The following JMJD1C variants were observed in gnomAD, a reference collection of about 807,000 sequenced individuals.
JMJD1C encodes jumonji domain containing 1C, also known as jumonji domain-containing protein 1C.
Under a neutral mutation model 245.3 loss-of-function variants are expected in JMJD1C, and 31 were observed. The ratio of observed to expected loss-of-function variants is 0.13; its 90% CI spans 0.09 to 0.17. JMJD1C has a LOEUF of 0.17. Ranked by LOEUF, JMJD1C falls within the 10% of genes least tolerant of loss-of-function variation. JMJD1C has a pLI of 1.00. For synonymous variants in JMJD1C, 1,057 were observed against 1,017.4 expected, an observed-to-expected ratio of 1.04 and a Z score of -0.74; for missense variants, 2,691 against 3,000.2, an observed-to-expected ratio of 0.90 and a Z score of 2.41.
Position 63,208,281 on chromosome 10 carries a change from C to A in JMJD1C, c.3388G>T (p.Ala1130Ser), listed in dbSNP as rs1351474184. 6.2e-7 allele frequency: 1 copy of A among 1,614,044 alleles called. No individual in the cohort carries two copies. Among genetic ancestry groups the A allele is most frequent in the South Asian group, 1.1e-5 (1 of 91,066 alleles). Residue 1130 changes from alanine (A) to serine (S), a missense_variant, in exon 10 of 26, where the codon GCA becomes TCA. By Grantham distance (99) the Ala-to-Ser change is moderately conservative (BLOSUM62 1). Transcript: ENST00000399262. ...GAAGTCAGAGTTTGAGGATTAGCTG[C>A]TGCCGCTGCAAGGGCATTACTCTGT... ...DKQSNALAAA[A>S]ANPQTLTSFI...
At chr10:63,303,926 G>A (rs1339060631) in intron 2 of JMJD1C, among the ~76,000 whole-genome samples, 1 of 151,924 alleles carries the variant, frequency 6.6e-6, no homozygotes, top group Non-Finnish European at 1.5e-5. Context: ...GAGTTTTTCT[G>A]ATAACAATAT....
At chr10:63,394,257 G>C (rs950097668) in intron 1 of JMJD1C, among the ~76,000 whole-genome samples, 2 of 149,018 alleles carry the variant, frequency 1.3e-5, no homozygotes, top group Non-Finnish European at 3.0e-5. Flanking sequence ...AGATGAATAA[G>C]AGAATAAAGT....
chr10:63,177,883 T>C (rs746346223), intron 22 of JMJD1C, 27 bp from the exon 23 acceptor site: 2 of 1,608,250 alleles, frequency 1.2e-6, no homozygotes, highest in South Asian at 2.2e-5. Context: ...TAATTTCAAA[T>C]TGTCGGCAAA....
chr10:63,408,435 C>G (rs954042426), intron 1 of JMJD1C, among the ~76,000 whole-genome samples: 2 of 151,402 alleles, frequency 1.3e-5, no homozygotes, highest in African/African-American at 2.4e-5. Context: ...CAATGTACAT[C>G]TAGGAAAGTT....
At chr10:63,477,892 A>C (rs981177346) in intron 1 of JMJD1C, among the ~76,000 whole-genome samples, 3 of 152,216 alleles carry the variant, frequency 2.0e-5, no homozygotes, top group Admixed American at 6.5e-5. Context: ...AATAAAAAAA[A>C]CAAATTTTTA....
At chr10:63,519,612 G>T (rs1266645561) in intron 1 of JMJD1C, among the ~76,000 whole-genome samples, 1 of 152,212 alleles carries the variant, frequency 6.6e-6, no homozygotes, top group East Asian at 1.9e-4. Context: ...TAAATTATGA[G>T]AGCACAGACA....
chr10:63,168,144 A>ATGTT lies in JMJD1C; in HGVS notation c.7534-14_7534-11dup. On this transcript the variant is annotated splice_polypyrimidine_tract_variant and intron_variant, in intron 25 of 25. Coordinates refer to ENST00000399262, the MANE Select transcript of JMJD1C (RefSeq NM_032776.3). ...ACAAAATATTTTTAACCTGAAAGAG[A>ATGTT]TGTTGATATTTCTAATCACTTCAGT... 6.4e-7 allele frequency: 1 copy of ATGTT among 1,552,548 alleles called. No homozygotes were observed. Among genetic ancestry groups the ATGTT allele is most frequent in the Non-Finnish European group, 8.9e-7 (1 of 1,125,920 alleles).
chr10:63,321,651 G>A (rs950964617), intron 2 of JMJD1C, among the ~76,000 whole-genome samples: 13 of 152,182 alleles, frequency 8.5e-5, no homozygotes, highest in African/African-American at 3.1e-4. Context: ...AAGAGGTAGG[G>A]AAGCAAAAGT....
intron 1 of JMJD1C, among the ~76,000 whole-genome samples, chr10:63,503,272 T>TG (rs927878677): frequency 2.6e-5 from 4 of 152,112 alleles, no homozygotes; most frequent in Non-Finnish European, 4.4e-5. Flanking sequence ...TAGGGGTTTT[T>TG]GGGGGGGCTT....
chr10:63,446,680 A>C (rs1245100589), intron 1 of JMJD1C, among the ~76,000 whole-genome samples: 2 of 152,222 alleles, frequency 1.3e-5, no homozygotes, highest in Non-Finnish European at 1.5e-5. Flanking sequence ...CTTGAAGGAA[A>C]AGAAGGTGAT....
chr10:63,314,694 C>T (rs1005067583), intron 2 of JMJD1C, among the ~76,000 whole-genome samples: 1 of 151,600 alleles, frequency 6.6e-6, no homozygotes, highest in Non-Finnish European at 1.5e-5. Flanking sequence ...ATCGCCCAGG[C>T]TGGAGTGTAA....
rs368220730 is a variant in JMJD1C at position 63,288,981 on chromosome 10, T to TTGTG, written c.334-24218_334-24217insCACA. 1.1e-4 allele frequency among the ~76,000 whole-genome samples: 16 copies of TTGTG among 151,416 alleles called. No individual in the cohort carries two copies. In the East Asian group the frequency reaches 3.1e-3, roughly 29 times the overall value. On this transcript the variant is annotated intron_variant, in intron 2 of 25. Transcript: ENST00000399262. ...TCTTTTTTCTTAATCCGACATGTCT[T>TTGTG]TTACAAAGACTTTCTTTACGTTTGC...
chr10:63,493,644 G>A (rs1005632545), intron 1 of JMJD1C, among the ~76,000 whole-genome samples: 2 of 151,842 alleles, frequency 1.3e-5, no homozygotes, highest in African/African-American at 2.4e-5. Flanking sequence ...CACCACACCC[G>A]GCTAATTCCT....
chr10:63,460,863 T>C (rs1952747442), intron 1 of JMJD1C, among the ~76,000 whole-genome samples: 4 of 152,220 alleles, frequency 2.6e-5, no homozygotes, highest in Admixed American at 2.6e-4. Context: ...AAAATTTCTA[T>C]AGTTCAATTA....
At chr10:63,335,059 C>T (rs1285626768) in intron 2 of JMJD1C, among the ~76,000 whole-genome samples, 1 of 134,622 alleles carries the variant, frequency 7.4e-6, no homozygotes, top group East Asian at 2.1e-4. Context: ...TTGTTCCTAA[C>T]TAAGGAGTTC....
chr10:63,203,203 T>C (rs1296600726), intron 10 of JMJD1C: 1 of 984,646 alleles, frequency 1.0e-6, no homozygotes, highest in Non-Finnish European at 1.2e-6. Flanking sequence ...ACTCCTTTTA[T>C]GAATTTAACT....
At chr10:63,414,956 C>T (rs1019403481) in intron 1 of JMJD1C, among the ~76,000 whole-genome samples, 1 of 151,382 alleles carries the variant, frequency 6.6e-6, no homozygotes, top group Non-Finnish European at 1.5e-5. Flanking sequence ...AAAAACTGTC[C>T]TGGATGAACT....
rs767565217 is a variant in JMJD1C at position 63,207,762 on chromosome 10, C to G, written c.3907G>C (p.Ala1303Pro). 7 of 1,614,048 alleles carry G rather than the reference C, an allele frequency of 4.3e-6. No homozygotes were observed. The change falls in exon 10 of 26, where the codon GCA (alanine) becomes CCA (proline). Residue 1303 changes from alanine (A) to proline (P), a missense_variant. Ala to Pro is a conservative substitution (Grantham distance 27, BLOSUM62 -1). Around this residue, in one of 9 missense-constraint regions of JMJD1C, gnomAD observed 1,562 missense variants for 1,490.7 expected, o/e 1.05. Transcript: ENST00000399262. ...KSSGKLQAAM[A>P]SVIVRPSSST... is the part of the protein sequence containing the mutation. ...GAAGATGGACGCACAATGACAGATGCCATAGCAGCCTGTAACTTTCCGCTG... is the reference window on the plus strand; with the variant it reads ...GAAGATGGACGCACAATGACAGATGGCATAGCAGCCTGTAACTTTCCGCTG...
chr10:63,355,757 G>C (rs1173161635), intron 2 of JMJD1C, among the ~76,000 whole-genome samples: 1 of 151,794 alleles, frequency 6.6e-6, no homozygotes, highest in Non-Finnish European at 1.5e-5. Flanking sequence ...AAAAAAAAAG[G>C]TAATGTGTGC....
Sources: gnomAD v4.1 joint callset for allele counts (sites outside exome capture counted in the v4.1 genomes callset) on GRCh38, gnomAD v4.1.1 for gene constraint, gnomAD v4.1.1 regional missense constraint, MANE v1.5 for transcripts, NCBI Gene and HGNC (gene_info 2026-07-23, HGNC 2026-07-21) for gene names.